Variants in PRDM5 observed in about 807,000 individuals in gnomAD.
The protein encoded by PRDM5 is PR domain zinc finger protein 5.
A neutral mutation model predicts 81.2 loss-of-function variants in PRDM5; 56 were observed. The ratio of observed to expected loss-of-function variants is 0.69; its 90% CI spans 0.56 to 0.86. PRDM5 has a LOEUF of 0.86. Among genes scored for constraint, PRDM5 ranks in the 40% least tolerant of loss-of-function variants. The pLI is 0.00. For synonymous variants in PRDM5, 267 were observed against 256.4 expected, an observed-to-expected ratio of 1.04 and a Z score of -0.39; for missense variants, 697 against 770.1, an observed-to-expected ratio of 0.91 and a Z score of 1.12.
intron 11 of PRDM5, among the ~76,000 whole-genome samples, chr4:120,783,274 A>C (rs571446671): frequency 6.6e-6 from 1 of 152,142 alleles, no homozygotes; most frequent in South Asian, 2.1e-4. Flanking sequence ...AAAATAACTC[A>C]TTTACTCACT....
intron 15 of PRDM5, among the ~76,000 whole-genome samples, chr4:120,701,607 T>C (rs928272640): frequency 5.3e-5 from 8 of 152,146 alleles, no homozygotes; most frequent in Admixed American, 5.2e-4. Context: ...GCATATTCTC[T>C]TATAAGTGGG....
At chr4:120,873,137 G>A (rs1234266791) in intron 2 of PRDM5, among the ~76,000 whole-genome samples, 2 of 152,076 alleles carry the variant, frequency 1.3e-5, no homozygotes, top group Non-Finnish European at 2.9e-5. Context: ...AAGTAGCTGG[G>A]ACTACAGACA....
At chr4:120,710,529 T>G in intron 14 of PRDM5, 116 bp from the exon 15 acceptor site, 1 of 834,370 alleles carries the variant, frequency 1.2e-6, no homozygotes, top group South Asian at 1.4e-5. Flanking sequence ...TTTACAGGTA[T>G]GCTGATATGG....
At chr4:120,875,466 G>A (rs1471722240) in intron 2 of PRDM5, among the ~76,000 whole-genome samples, 1 of 152,210 alleles carries the variant, frequency 6.6e-6, no homozygotes, top group Non-Finnish European at 1.5e-5. Flanking sequence ...ATACCTCACA[G>A]GGGCAACCCT....
At chr4:120,696,092 G>A (rs1734487575) in intron 15 of PRDM5, among the ~76,000 whole-genome samples, 1 of 151,910 alleles carries the variant, frequency 6.6e-6, no homozygotes, top group Non-Finnish European at 1.5e-5. Context: ...TTTCTTTACG[G>A]AGGAAAGAAG....
chr4:120,902,561 C>T (rs377410051), intron 2 of PRDM5, among the ~76,000 whole-genome samples: 6 of 152,156 alleles, frequency 3.9e-5, no homozygotes, highest in East Asian at 3.9e-4. Context: ...TGGGTATATT[C>T]CACCAAATTG....
chr4:120,753,800 T>C (rs1744332762), intron 14 of PRDM5, among the ~76,000 whole-genome samples: 1 of 152,152 alleles, frequency 6.6e-6, no homozygotes, highest in South Asian at 2.1e-4. Context: ...AAAAGTTGTA[T>C]AGAGCAAAAT....
chr4:120,830,233 C>T (rs1335832418), intron 3 of PRDM5, among the ~76,000 whole-genome samples: 2 of 151,992 alleles, frequency 1.3e-5, no homozygotes, highest in Non-Finnish European at 2.9e-5. Flanking sequence ...AGAAAGTTAC[C>T]TTTGGGGAGT....
At chr4:120,812,058 T>G (rs949396400) in intron 7 of PRDM5, among the ~76,000 whole-genome samples, 2 of 152,134 alleles carry the variant, frequency 1.3e-5, no homozygotes, top group Non-Finnish European at 2.9e-5. Context: ...TAACCATCAT[T>G]CTATTCTCTA....
At chr4:120,895,055 T>G (rs1764465988) in intron 2 of PRDM5, among the ~76,000 whole-genome samples, 1 of 152,206 alleles carries the variant, frequency 6.6e-6, no homozygotes, top group African/African-American at 2.4e-5. Flanking sequence ...AAAGTGCATG[T>G]ACATGATAAT....
intron 14 of PRDM5, among the ~76,000 whole-genome samples, chr4:120,742,451 G>A (rs1447187162): frequency 6.6e-6 from 1 of 152,210 alleles, no homozygotes; most frequent in Admixed American, 6.5e-5. Flanking sequence ...CGAGTTGAGA[G>A]AAGAAGGCTT....
At chr4:120,881,089 G>C (rs1428658572) in intron 2 of PRDM5, among the ~76,000 whole-genome samples, 1 of 151,990 alleles carries the variant, frequency 6.6e-6, no homozygotes, top group Non-Finnish European at 1.5e-5. Context: ...TTATTGATTT[G>C]TATTGAAAGT....
intron 14 of PRDM5, among the ~76,000 whole-genome samples, chr4:120,753,880 T>G (rs1410123175): frequency 6.6e-6 from 1 of 152,174 alleles, no homozygotes; most frequent in African/African-American, 2.4e-5. Flanking sequence ...TAATTGTGCT[T>G]AAATCGAATA....
intron 13 of PRDM5, among the ~76,000 whole-genome samples, chr4:120,761,319 A>G (rs537422743): frequency 6.3e-4 from 96 of 152,312 alleles, no homozygotes; most frequent in African/African-American, 2.0e-3. Flanking sequence ...CCTGGCCCCA[A>G]CAAGCTACCT....
chr4:120,839,093 A>G, intron 3 of PRDM5: 1 of 604,872 alleles, frequency 1.7e-6, no homozygotes, highest in Non-Finnish European at 3.0e-6. Flanking sequence ...CAGGAACTGC[A>G]GCACCCCAAA....
At chr4:120,789,628 T>G (rs1199794397) in intron 10 of PRDM5, among the ~76,000 whole-genome samples, 1 of 152,158 alleles carries the variant, frequency 6.6e-6, no homozygotes, top group South Asian at 2.1e-4. Context: ...CACATTACCA[T>G]CCCAGTGGGC....
rs80098702 is a variant in PRDM5 at position 120,877,494 on chromosome 4, A to G, written c.178-23954T>C. On this transcript the variant is annotated intron_variant, in intron 2 of 15. Coordinates refer to ENST00000264808, the MANE Select transcript of PRDM5 (RefSeq NM_018699.4). Reference sequence around the variant, plus strand: ...ACTCAATTTTTAACTCCAGGCTGCTAGAAGAATAATTTATATTAAAATAAA... The same window carrying G: ...ACTCAATTTTTAACTCCAGGCTGCTGGAAGAATAATTTATATTAAAATAAA... 3.3e-3 allele frequency among the ~76,000 whole-genome samples: 495 copies of G among 152,294 alleles called. 2 individuals carry two copies. Among genetic ancestry groups the G allele is most frequent in the African/African-American group, 0.012 (480 of 41,568 alleles).
intron 2 of PRDM5, among the ~76,000 whole-genome samples, chr4:120,868,513 C>A (rs1256551502): frequency 8.5e-5 from 13 of 152,090 alleles, no homozygotes; most frequent in Admixed American, 6.6e-4. Flanking sequence ...GCCTATGAAC[C>A]TAGAGGTTAG....
At chr4:120,893,028 T>C (rs1286070531) in intron 2 of PRDM5, among the ~76,000 whole-genome samples, 1 of 152,218 alleles carries the variant, frequency 6.6e-6, no homozygotes, top group East Asian at 1.9e-4. Context: ...CTATTGAGGC[T>C]ACAGTGCCAG....
Sources: gnomAD v4.1 joint callset for allele counts (sites outside exome capture counted in the v4.1 genomes callset) on GRCh38, gnomAD v4.1.1 for gene constraint, MANE v1.5 for transcripts, NCBI Gene and HGNC (gene_info 2026-07-23, HGNC 2026-07-21) for gene names.